The following ADAM12 variants were observed in gnomAD, a reference collection of about 807,000 sequenced individuals.
ADAM12 encodes ADAM metallopeptidase domain 12, also known as disintegrin and metalloproteinase domain-containing protein 12.
ADAM12 carries 70 observed loss-of-function variants against 106.4 expected under a neutral mutation model. The observed-to-expected ratio is 0.66, with a 90% CI of 0.54 to 0.80. ADAM12 has a LOEUF of 0.80. Ranked by LOEUF, ADAM12 falls within the 30% of genes least tolerant of loss-of-function variation. ADAM12 has a pLI of 0.00. For missense variants in ADAM12, 1,010 were observed against 1,171.9 expected, an observed-to-expected ratio of 0.86 and a Z score of 2.02; for synonymous variants, 420 against 433.5, an observed-to-expected ratio of 0.97 and a Z score of 0.39.
intron 3 of ADAM12, among the ~76,000 whole-genome samples, chr10:126,229,482 ATTAAC>A: frequency 6.6e-6 from 1 of 152,204 alleles, no homozygotes. Context: ...AGTTATATAT[ATTAAC>A]TTGAGAAAAT....
chr10:126,316,097 A>G (rs1037492726), intron 2 of ADAM12, among the ~76,000 whole-genome samples: 35 of 152,140 alleles, frequency 2.3e-4, no homozygotes, highest in African/African-American at 8.2e-4. Context: ...ATATGATAGA[A>G]TTTTTTACCC....
At chr10:126,109,697 A>T in intron 7 of ADAM12, 78 bp downstream of exon 7, 1 of 1,297,292 alleles carries the variant, frequency 7.7e-7, no homozygotes, top group South Asian at 1.3e-5. Flanking sequence ...TCATTAAAGC[A>T]AGTAATAACT....
chr10:126,140,354 T>G (rs1281003432), intron 4 of ADAM12, among the ~76,000 whole-genome samples: 1 of 152,222 alleles, frequency 6.6e-6, no homozygotes, highest in Non-Finnish European at 1.5e-5. Context: ...TTAAATGTAC[T>G]TTCAAATTAA....
At chr10:126,264,743 T>A (rs1959065365) in intron 3 of ADAM12, among the ~76,000 whole-genome samples, 1 of 152,144 alleles carries the variant, frequency 6.6e-6, no homozygotes, top group Non-Finnish European at 1.5e-5. Context: ...TTGTTTTTTT[T>A]AACTTGCCAT....
chr10:126,292,646 T>C (rs113621225), intron 2 of ADAM12, among the ~76,000 whole-genome samples: 45 of 152,318 alleles, frequency 3.0e-4, no homozygotes, highest in Non-Finnish European at 5.9e-4. Flanking sequence ...ATGGAACAGA[T>C]AATAAATACA....
chr10:126,236,696 A>G (rs928678780), intron 3 of ADAM12, among the ~76,000 whole-genome samples: 15 of 151,708 alleles, frequency 9.9e-5, no homozygotes, highest in African/African-American at 3.6e-4. Context: ...AGGAAAGAGC[A>G]CTCACAGGAA....
At chr10:126,216,806 G>T (rs1957995886) in intron 3 of ADAM12, among the ~76,000 whole-genome samples, 1 of 152,214 alleles carries the variant, frequency 6.6e-6, no homozygotes, top group East Asian at 1.9e-4. Context: ...AAGGCCAGAG[G>T]ACATTGCCTT....
At chr10:126,249,728 A>G (rs4962324) in intron 3 of ADAM12, among the ~76,000 whole-genome samples, 108,261 of 152,042 alleles carry the variant, frequency 0.71, 40,984 homozygotes, top group East Asian at 0.85. Context: ...ACTGACACCA[A>G]CATGCAGCCC....
chr10:126,264,802 G>A (rs987236252), intron 3 of ADAM12, among the ~76,000 whole-genome samples: 3 of 152,150 alleles, frequency 2.0e-5, no homozygotes, highest in Middle Eastern at 3.4e-3. Flanking sequence ...ATGTCTAGAC[G>A]CAATCCAGAC....
chr10:126,062,291 C>T (rs1954773514), intron 14 of ADAM12, among the ~76,000 whole-genome samples: 1 of 152,152 alleles, frequency 6.6e-6, no homozygotes, highest in African/African-American at 2.4e-5. Flanking sequence ...CACACGACAC[C>T]ACCCACCACC....
At chr10:126,295,605 T>A (rs1011004571) in intron 2 of ADAM12, among the ~76,000 whole-genome samples, 32 of 147,372 alleles carry the variant, frequency 2.2e-4, no homozygotes, top group African/African-American at 8.1e-4. Context: ...AGAAAAAGAA[T>A]CACTCATAAG....
At chr10:126,052,724 A>G (rs1297453030) in intron 14 of ADAM12, among the ~76,000 whole-genome samples, 1 of 152,194 alleles carries the variant, frequency 6.6e-6, no homozygotes, top group Non-Finnish European at 1.5e-5. Flanking sequence ...AGACGCTGCA[A>G]ATGTACTGGC....
chr10:126,344,481 G>C (rs1161153645), intron 1 of ADAM12, among the ~76,000 whole-genome samples: 1 of 152,076 alleles, frequency 6.6e-6, no homozygotes, highest in Non-Finnish European at 1.5e-5. Context: ...TGTTCTTTTG[G>C]CTTAGGATTG....
chr10:126,271,049 C>A (rs1419438617), intron 3 of ADAM12, among the ~76,000 whole-genome samples: 1 of 152,148 alleles, frequency 6.6e-6, no homozygotes, highest in African/African-American at 2.4e-5. Flanking sequence ...TCAAAAATGC[C>A]ATGCCCAGTT....
At chr10:126,045,372 A>G (rs1590330136) in intron 17 of ADAM12, among the ~76,000 whole-genome samples, 1 of 151,990 alleles carries the variant, frequency 6.6e-6, no homozygotes, top group Admixed American at 6.6e-5. Context: ...CCCTCCCCCC[A>G]TGCACCCGGT....
chr10:126,321,573 G>A (rs1276440509), intron 2 of ADAM12, among the ~76,000 whole-genome samples: 1 of 152,066 alleles, frequency 6.6e-6, no homozygotes, highest in East Asian at 1.9e-4. Context: ...TTGTGTGTTG[G>A]CCAAAAAGGA....
intron 21 of ADAM12, among the ~76,000 whole-genome samples, chr10:126,025,054 T>A (rs1953843384): frequency 6.6e-6 from 1 of 151,996 alleles, no homozygotes; most frequent in African/African-American, 2.4e-5. Flanking sequence ...GTCAGCAACC[T>A]TAAAGATCAA....
chr10:126,310,772 A>G (rs1310896547), intron 2 of ADAM12, among the ~76,000 whole-genome samples: 1 of 152,238 alleles, frequency 6.6e-6, no homozygotes, highest in Non-Finnish European at 1.5e-5. Context: ...AGTAAATAAA[A>G]GAAGGTTGTA....
chr10:126,363,512 C>G (rs1013987891), intron 1 of ADAM12, among the ~76,000 whole-genome samples: 1 of 152,186 alleles, frequency 6.6e-6, no homozygotes, highest in East Asian at 1.9e-4. Context: ...GGCTTTTCCA[C>G]TCCTGCTCTG....
Sources: allele counts gnomAD v4.1 joint callset (sites outside exome capture counted in the v4.1 genomes callset), GRCh38; gene constraint gnomAD v4.1.1; transcripts MANE v1.5; gene names NCBI Gene and HGNC (gene_info 2026-07-23, HGNC 2026-07-21).